Variants in EPM2A observed in about 807,000 individuals in gnomAD.
EPM2A encodes the protein laforin.
A neutral mutation model predicts 26.5 loss-of-function variants in EPM2A; 21 were observed. The observed-to-expected ratio is 0.79, with a 90% CI of 0.56 to 1.14. The LOEUF is 1.14. EPM2A is among the 50% of genes most tolerant of loss of function. EPM2A has a pLI of 0.00. For missense variants in EPM2A, 458 were observed against 440.8 expected (o/e 1.04, Z -0.35); for synonymous variants, 217 against 177.6 (o/e 1.22, Z -1.76).
intron 2 of EPM2A, chr6:145,639,454 C>A: frequency 6.6e-6 from 1 of 152,132 alleles, no homozygotes; most frequent in South Asian, 2.1e-4. Context: ...TCTGTAGGTT[C>A]TTTGATTTTT....
chr6:145,627,253 A>C lies in EPM2A; in HGVS notation c.*163T>G, dbSNP rs7753694. ...TAGAGTATTTCAAAAATACAGCCCC[A>C]AAACAAAGCATAATCGAAAGTCATC... On this transcript the variant is annotated 3_prime_UTR_variant, in exon 4 of 4. Coordinates refer to ENST00000367519, the MANE Select transcript of EPM2A (RefSeq NM_005670.4). The C allele has an allele frequency of 0.013, 19,582 of 1,529,212 alleles. 2,061 individuals carry two copies. In the African/African-American group the frequency reaches 0.23, roughly 18 times the overall value. 94.7% of individuals were successfully genotyped at this position (1,529,212 alleles called of 1,614,324 possible). A position where few individuals can be genotyped will look rare whatever the true frequency, so the allele number is the denominator to read the frequency against.
intron 4 of EPM2A, among the ~76,000 whole-genome samples, chr6:145,407,687 T>C (rs1449789812): frequency 6.6e-6 from 1 of 152,220 alleles, no homozygotes; most frequent in African/African-American, 2.4e-5. Context: ...ATAAATTTTA[T>C]GGTTCAAATA....
rs201886030 is a variant in EPM2A, at chr6:145,598,878, CTTG to C, written c.340+36364_340+36366del. ...TGAATAGTAAATCCTTTCCCCATTG[CTTG>C]TTTTTATCAGCTTTGCTGAAGATCA... On this transcript the variant is annotated intron_variant, in intron 2 of 3. Transcript: ENST00000450221. 2.7e-3 allele frequency among the ~76,000 whole-genome samples: 412 copies of C among 152,264 alleles called. 1 individual carries two copies. Among genetic ancestry groups the C allele is most frequent in the African/African-American group, 8.0e-3 (333 of 41,552 alleles).
At chr6:145,707,415 A>T (rs1196252394) in intron 1 of EPM2A, among the ~76,000 whole-genome samples, 1 of 152,164 alleles carries the variant, frequency 6.6e-6, no homozygotes, top group African/African-American at 2.4e-5. Context: ...GGAACTAGGA[A>T]ATCATCTGAT....
At chr6:145,435,706 AT>A (rs1359982649) in intron 4 of EPM2A, among the ~76,000 whole-genome samples, 4 of 151,982 alleles carry the variant, frequency 2.6e-5, no homozygotes, top group African/African-American at 9.7e-5. Context: ...ATATACTTCT[AT>A]TTTAGATACT....
chr6:145,577,339 GA>G (rs34119873), intron 2 of EPM2A, among the ~76,000 whole-genome samples: 62,706 of 143,522 alleles, frequency 0.44, 13,899 homozygotes, highest in South Asian at 0.52. Flanking sequence ...TGAAGGAATG[GA>G]AAAAAAAAAC....
chr6:145,683,305 GTGAGTGTGTA>G lies in EPM2A; in HGVS notation c.476+2807_476+2816del, dbSNP rs1443650909. Among the ~76,000 whole-genome samples the G allele has an allele frequency of 3.2e-3, 467 of 144,972 alleles. 9 individuals are homozygous for G. The East Asian group carries it at 0.053, about 17-fold the overall frequency. On this transcript the variant is annotated intron_variant, in intron 2 of 3. Coordinates refer to ENST00000367519, the MANE Select transcript of EPM2A (RefSeq NM_005670.4). The stretch of plus-strand genomic sequence containing the variant: ...TGTGTGTGTGTGTGTGTGTGTGTGT[GTGAGTGTGTA>G]TATATTAGATTATATATTATACTCC...
intron 2 of EPM2A, among the ~76,000 whole-genome samples, chr6:145,516,976 C>T (rs573337357): frequency 6.6e-6 from 1 of 152,192 alleles, no homozygotes; most frequent in East Asian, 1.9e-4. Flanking sequence ...ATGGATAAGG[C>T]AGATGTGATA....
chr6:145,387,688 GA>G (rs988389392), intron 4 of EPM2A, among the ~76,000 whole-genome samples: 9 of 151,386 alleles, frequency 5.9e-5, no homozygotes, highest in Admixed American at 3.9e-4. Flanking sequence ...TAACAGCAGG[GA>G]AAAAAAGAAA....
intron 4 of EPM2A, among the ~76,000 whole-genome samples, chr6:145,407,181 C>T (rs1345757476): frequency 6.6e-6 from 1 of 152,214 alleles, no homozygotes; most frequent in Non-Finnish European, 1.5e-5. Flanking sequence ...TGATAAGGAA[C>T]ATTTGAGATC....
chr6:145,569,942 G>A (rs910292111), intron 2 of EPM2A, among the ~76,000 whole-genome samples: 1 of 152,130 alleles, frequency 6.6e-6, no homozygotes, highest in Non-Finnish European at 1.5e-5. Flanking sequence ...TGAGGAGCAA[G>A]GAGAGCCAGT....
intron 2 of EPM2A, among the ~76,000 whole-genome samples, chr6:145,517,573 T>C (rs1393183720): frequency 6.6e-6 from 1 of 152,208 alleles, no homozygotes; most frequent in African/African-American, 2.4e-5. Flanking sequence ...TCGAAAGGCA[T>C]AATGTAAGAA....
At chr6:145,586,097 C>T (rs9403730) in intron 2 of EPM2A, among the ~76,000 whole-genome samples, 65,254 of 151,976 alleles carry the variant, frequency 0.43, 14,562 homozygotes, top group African/African-American at 0.52. Flanking sequence ...CTCAAGGAGT[C>T]TCCTAGGCTT....
chr6:145,591,889 ATAT>A (rs1250688608), intron 2 of EPM2A, among the ~76,000 whole-genome samples: 1 of 152,004 alleles, frequency 6.6e-6, no homozygotes, highest in Non-Finnish European at 1.5e-5. Flanking sequence ...GGTAAAATTA[ATAT>A]TATAAGGATG....
intron 4 of EPM2A, among the ~76,000 whole-genome samples, chr6:145,479,241 A>T (rs552647037): frequency 4.7e-5 from 7 of 147,866 alleles, no homozygotes; most frequent in Non-Finnish European, 7.5e-5. Flanking sequence ...TATATATATA[A>T]AATAAAATTA....
intron 2 of EPM2A, among the ~76,000 whole-genome samples, chr6:145,675,529 T>C (rs991841393): frequency 6.6e-6 from 1 of 152,148 alleles, no homozygotes; most frequent in Non-Finnish European, 1.5e-5. Context: ...GTGTGCTGTA[T>C]TCAGGAGACC....
At chr6:145,619,646 T>C (rs1042640849) in intron 2 of EPM2A, among the ~76,000 whole-genome samples, 3 of 152,112 alleles carry the variant, frequency 2.0e-5, no homozygotes, top group African/African-American at 4.8e-5. Context: ...GGAGTGGTAA[T>C]CATAGGTCTG....
chr6:145,439,105 C>T (rs1779028580), intron 4 of EPM2A, among the ~76,000 whole-genome samples: 4 of 151,018 alleles, frequency 2.6e-5, no homozygotes, highest in Admixed American at 2.0e-4. Context: ...AGGATAATGG[C>T]TTCCAGTTCC....
chr6:145,455,493 A>G (rs1171973569), intron 4 of EPM2A, among the ~76,000 whole-genome samples: 1 of 151,942 alleles, frequency 6.6e-6, no homozygotes. Context: ...GAGCAGCTGG[A>G]ATTACAGGTG....
Sources: allele counts gnomAD v4.1 joint callset (sites outside exome capture counted in the v4.1 genomes callset), GRCh38; gene constraint gnomAD v4.1.1; transcripts MANE v1.5; gene names NCBI Gene and HGNC (gene_info 2026-07-23, HGNC 2026-07-21).